TMPRSS9: variants seen among roughly 807,000 people sequenced by gnomAD.
TMPRSS9 encodes transmembrane protease serine 9.
Under a neutral mutation model 111.4 loss-of-function variants are expected in TMPRSS9, and 113 were observed. The observed-to-expected ratio is 1.01, with a 90% confidence interval of 0.87 to 1.19. The LOEUF is 1.19. Ranked by LOEUF, TMPRSS9 falls within the 50% of genes most tolerant of loss-of-function variation. The pLI is 0.00. For synonymous variants in TMPRSS9, 805 were observed against 659.1 expected (o/e 1.22, Z -3.39); for missense variants, 1,803 against 1,513.1 (o/e 1.19, Z -3.18).
exon 11 of TMPRSS9, chr19:2,415,831 T>G: frequency 6.3e-7 from 1 of 1,589,766 alleles, no homozygotes; most frequent in Non-Finnish European, 8.6e-7. Context: ...TGCCGCCCAC[T>G]GCTTCAACCA....
intron 1 of TMPRSS9, among the ~76,000 whole-genome samples, chr19:2,361,397 C>T (rs1474483846): frequency 6.7e-6 from 1 of 149,910 alleles, no homozygotes; most frequent in Non-Finnish European, 1.5e-5. Context: ...GGAGGCGGGG[C>T]TGGAGTGGGT....
At chr19:2,381,589 C>T (rs978675956) in intron 1 of TMPRSS9, among the ~76,000 whole-genome samples, 12 of 151,490 alleles carry the variant, frequency 7.9e-5, no homozygotes, top group East Asian at 1.9e-4. Context: ...GCCCCTGCCT[C>T]GCTCCACGCT....
At chr19:2,426,135 A>T (rs1161477666) in exon 18 of TMPRSS9, 6 of 1,494,614 alleles carry the variant, frequency 4.0e-6, no homozygotes, top group Admixed American at 4.3e-5. Context: ...AAGCAACAGG[A>T]GCAGCAGGCC....
rs112276283 is a variant in TMPRSS9 at position 2,380,598 on chromosome 19, C to CAAAAAAAAAAAAAA, written c.-25-9161_-25-9148dup. ...CCTGGGCAACAGAGCAAGACTCCAC[C>CAAAAAAAAAAAAAA]AAAAAAAAAAAAAAAGACAGTGGAT... On this transcript the variant is annotated intron_variant, in intron 1 of 17. Transcript: ENST00000649857. 5.4e-5 allele frequency among the ~76,000 whole-genome samples: 6 copies of CAAAAAAAAAAAAAA among 110,864 alleles called. 1 individual carries two copies. Among genetic ancestry groups the CAAAAAAAAAAAAAA allele is most frequent in the African/African-American group, 1.1e-4 (3 of 28,214 alleles). 72.7% of individuals were successfully genotyped at this position (110,864 alleles called of 152,430 possible).
intron 1 of TMPRSS9, among the ~76,000 whole-genome samples, chr19:2,382,688 TGCACACATGCACACACAAAA>T (rs1453490559): frequency 3.4e-5 from 5 of 145,150 alleles, no homozygotes; most frequent in East Asian, 2.0e-4. Context: ...CATACACACA[TGCACACATGCACACACAAAA>T]GCACACATGC....
At chr19:2,364,801 C>T (rs1417096735) in intron 1 of TMPRSS9, among the ~76,000 whole-genome samples, 4 of 151,634 alleles carry the variant, frequency 2.6e-5, no homozygotes, top group Admixed American at 1.3e-4. Flanking sequence ...CTGGCTAACA[C>T]GCTGAAACCC....
intron 9 of TMPRSS9, among the ~76,000 whole-genome samples, chr19:2,410,986 T>C (rs6510667): frequency 0.36 from 54,708 of 151,790 alleles, 11,188 homozygotes; most frequent in African/African-American, 0.57. Flanking sequence ...GGGCCATGAG[T>C]GAGCTGCAGG....
chr19:2,396,022 AAACC>A (rs1568177739), intron 1 of TMPRSS9, among the ~76,000 whole-genome samples: 1 of 152,142 alleles, frequency 6.6e-6, no homozygotes, highest in African/African-American at 2.4e-5. Flanking sequence ...AAACAAACAC[AAACC>A]AACCAGTGGT....
Position 2,425,270 on chromosome 19 carries a change from A to G in TMPRSS9, c.2983+3A>G. On this transcript the variant is annotated splice_donor_region_variant and intron_variant, in intron 16 of 17. Coordinates refer to ENST00000648592, the Ensembl canonical transcript of TMPRSS9. ...CTGGGGCTCGGTGCGCGAAGGAGGT[A>G]GGCGCGCCCGGGGCCGCGGTGGTGC... The G allele has an allele frequency of 1.6e-6, 2 of 1,283,750 alleles. No homozygotes were observed. Among genetic ancestry groups the G allele is most frequent in the African/African-American group, 1.6e-5 (1 of 62,054 alleles). 79.5% of individuals were successfully genotyped at this position (1,283,750 alleles called of 1,614,324 possible). A position where few individuals can be genotyped will look rare whatever the true frequency, so the allele number is the denominator to read the frequency against.
intron 1 of TMPRSS9, among the ~76,000 whole-genome samples, chr19:2,380,618 G>C (rs1208641175): frequency 1.1e-5 from 1 of 94,648 alleles, no homozygotes; most frequent in Non-Finnish European, 2.1e-5. Flanking sequence ...AAAAAAGACA[G>C]TGGATTCTTC....
At chr19:2,424,770 A>G (rs889796862) in intron 15 of TMPRSS9, among the ~76,000 whole-genome samples, 7 of 151,868 alleles carry the variant, frequency 4.6e-5, no homozygotes, top group African/African-American at 1.4e-4. Context: ...CGGGACTCGC[A>G]CGGCCACTAG....
At chr19:2,416,748 G>A (rs764341567) in exon 12 of TMPRSS9, 5 of 1,612,856 alleles carry the variant, frequency 3.1e-6, no homozygotes, top group Non-Finnish European at 3.4e-6. Context: ...TGGCCATCCA[G>A]AAGTTCCCTG....
chr19:2,379,663 T>TTCTTTCTTTCTC (rs1568170863), intron 1 of TMPRSS9, among the ~76,000 whole-genome samples: 7 of 149,520 alleles, frequency 4.7e-5, no homozygotes, highest in African/African-American at 1.7e-4. Context: ...CTTTCTTTCT[T>TTCTTTCTTTCTC]TCTTTCTTTC....
exon 5 of TMPRSS9, chr19:2,401,990 C>A (rs751065643): frequency 1.9e-6 from 3 of 1,611,900 alleles, no homozygotes; most frequent in Non-Finnish European, 2.5e-6. Flanking sequence ...CATAAGGGAC[C>A]CTTGGCAGAA....
intron 1 of TMPRSS9, among the ~76,000 whole-genome samples, chr19:2,374,561 A>C (rs1437023531): frequency 6.6e-6 from 1 of 152,000 alleles, no homozygotes; most frequent in East Asian, 1.9e-4. Context: ...AGACAGAGCG[A>C]GACTCCGTCT....
chr19:2,397,410 C>T (rs1471896799), intron 2 of TMPRSS9, among the ~76,000 whole-genome samples: 1 of 152,012 alleles, frequency 6.6e-6, no homozygotes, highest in Admixed American at 6.6e-5. Context: ...CCTGTCTCAG[C>T]CTCCTGAGTA....
intron 1 of TMPRSS9, among the ~76,000 whole-genome samples, chr19:2,380,986 C>A (rs552711583): frequency 5.3e-5 from 8 of 152,200 alleles, no homozygotes; most frequent in African/African-American, 1.9e-4. Context: ...CCCCTGACGG[C>A]GTGTCTAAAT....
chr19:2,379,181 CTTTTTTTTT>C (rs919990556), intron 1 of TMPRSS9, among the ~76,000 whole-genome samples: 3 of 99,422 alleles, frequency 3.0e-5, no homozygotes, highest in African/African-American at 4.7e-5. Flanking sequence ...GCTTCTTTCT[CTTTTTTTTT>C]TTTTTTTTTT....
At chr19:2,404,099 T>G (rs774766762) in intron 6 of TMPRSS9, among the ~76,000 whole-genome samples, 68 of 151,868 alleles carry the variant, frequency 4.5e-4, no homozygotes, top group Non-Finnish European at 7.9e-4. Context: ...GCCCAGTAGA[T>G]TGAGGCTGCA....
Sources: allele counts gnomAD v4.1 joint callset (sites outside exome capture counted in the v4.1 genomes callset), GRCh38; gene constraint gnomAD v4.1.1; transcripts MANE v1.5; gene names NCBI Gene and HGNC (gene_info 2026-07-23, HGNC 2026-07-21).